The following UNC79 variants were observed in gnomAD, a reference collection of about 807,000 sequenced individuals.
UNC79 encodes protein unc-79 homolog.
UNC79 carries 37 observed loss-of-function variants against 283.1 expected under a neutral mutation model. That is an observed-to-expected ratio of 0.13 (90% CI 0.10 to 0.17). The LOEUF (loss-of-function observed/expected upper bound fraction) is 0.17. Ranked by LOEUF, UNC79 falls within the 10% of genes least tolerant of loss-of-function variation. UNC79 has a pLI of 1.00. For missense variants in UNC79, 2,272 were observed against 3,211.1 expected (o/e 0.71, Z 7.07); for synonymous variants, 1,107 against 1,200.2 (o/e 0.92, Z 1.61).
At chr14:93,347,292 T>C in intron 1 of UNC79, 1 of 1,605,292 alleles carries the variant, frequency 6.2e-7, no homozygotes, top group Non-Finnish European at 8.5e-7. Context: ...GTGGGCGCTG[T>C]CCTGCCCGCC....
At chr14:93,632,881 C>T (rs893248664) in intron 31 of UNC79, among the ~76,000 whole-genome samples, 7 of 151,860 alleles carry the variant, frequency 4.6e-5, no homozygotes, top group African/African-American at 1.7e-4. Flanking sequence ...TAGATTTCCA[C>T]CTTTCTCCTC....
intron 1 of UNC79, among the ~76,000 whole-genome samples, chr14:93,365,214 T>C (rs992453130): frequency 2.0e-5 from 3 of 151,964 alleles, no homozygotes; most frequent in African/African-American, 4.8e-5. Context: ...GGTGAAACCC[T>C]GTCTATACTA....
chr14:93,692,768 G>A (rs541311007), intron 46 of UNC79, among the ~76,000 whole-genome samples: 5 of 152,358 alleles, frequency 3.3e-5, no homozygotes, highest in African/African-American at 1.2e-4. Flanking sequence ...CATTGAACCA[G>A]TGTGGAGTAT....
At chr14:93,605,084 C>G in intron 26 of UNC79, 123 bp downstream of exon 27, 1 of 980,314 alleles carries the variant, frequency 1.0e-6, no homozygotes, top group Non-Finnish European at 1.4e-6. Flanking sequence ...TCAGAAGGGT[C>G]TTACCCCAGA....
chr14:93,442,445 T>C (rs551567095), intron 1 of UNC79, among the ~76,000 whole-genome samples: 36 of 152,328 alleles, frequency 2.4e-4, no homozygotes, highest in South Asian at 1.7e-3. Context: ...TTTATTAGTC[T>C]ACATGTGAAC....
intron 1 of UNC79, among the ~76,000 whole-genome samples, chr14:93,373,918 T>A (rs1217966512): frequency 1.3e-5 from 2 of 152,180 alleles, no homozygotes; most frequent in Non-Finnish European, 2.9e-5. Context: ...TATGACTAAG[T>A]GGGATTTATC....
intron 7 of UNC79, among the ~76,000 whole-genome samples, chr14:93,518,502 C>G (rs1238836520): frequency 1.2e-4 from 18 of 151,300 alleles, no homozygotes; most frequent in Non-Finnish European, 2.5e-4. Flanking sequence ...TTCAAAGAAC[C>G]AGTTTTTGAT....
chr14:93,645,019 C>T (rs554238765), intron 34 of UNC79, among the ~76,000 whole-genome samples: 1 of 152,270 alleles, frequency 6.6e-6, no homozygotes, highest in South Asian at 2.1e-4. Context: ...ATAGTAATTG[C>T]AGAATAAATG....
At chr14:93,665,593 G>A (rs1178114924) in intron 40 of UNC79, among the ~76,000 whole-genome samples, 1 of 151,830 alleles carries the variant, frequency 6.6e-6, no homozygotes, top group African/African-American at 2.4e-5. Context: ...ATGTACATGA[G>A]TAGGTATAAC....
At chr14:93,431,736 C>T (rs1444966662) in intron 1 of UNC79, among the ~76,000 whole-genome samples, 2 of 152,174 alleles carry the variant, frequency 1.3e-5, no homozygotes, top group African/African-American at 4.8e-5. Context: ...CCCATAGCAC[C>T]GGAGGATTTT....
chr14:93,445,271 T>C (rs1481302975), intron 1 of UNC79, among the ~76,000 whole-genome samples: 1 of 152,234 alleles, frequency 6.6e-6, no homozygotes, highest in Non-Finnish European at 1.5e-5. Context: ...ATTTTACATC[T>C]GCCTTTCCAA....
At chr14:93,624,858 A>G (rs2067432262) in intron 30 of UNC79, among the ~76,000 whole-genome samples, 1 of 151,888 alleles carries the variant, frequency 6.6e-6, no homozygotes, top group Non-Finnish European at 1.5e-5. Context: ...AGGCCCATAC[A>G]CTTGCCCCTC....
intron 26 of UNC79, among the ~76,000 whole-genome samples, chr14:93,604,132 A>C (rs2065715088): frequency 6.6e-6 from 1 of 152,220 alleles, no homozygotes; most frequent in Admixed American, 6.5e-5. Context: ...ATAATTAAAA[A>C]TTCATTACTA....
intron 48 of UNC79, among the ~76,000 whole-genome samples, chr14:93,705,957 C>T (rs1004064320): frequency 6.6e-6 from 1 of 152,106 alleles, no homozygotes; most frequent in Non-Finnish European, 1.5e-5. Context: ...CTATTTGTGG[C>T]GGCCGTCGGG....
intron 27 of UNC79, among the ~76,000 whole-genome samples, chr14:93,615,345 T>G (rs1596081398): frequency 6.6e-6 from 1 of 152,186 alleles, no homozygotes; most frequent in Admixed American, 6.5e-5. Flanking sequence ...TTTTCTCAGC[T>G]GTCACTGTTT....
chr14:93,406,509 GC>G (rs1183771041), intron 1 of UNC79, among the ~76,000 whole-genome samples: 7 of 152,110 alleles, frequency 4.6e-5, no homozygotes, highest in Non-Finnish European at 7.4e-5. Flanking sequence ...GATCACTTGA[GC>G]CCAGAAGCTT....
chr14:93,539,502 CAG>C (rs1351025575), intron 12 of UNC79, among the ~76,000 whole-genome samples: 12 of 151,640 alleles, frequency 7.9e-5, no homozygotes, highest in Admixed American at 5.2e-4. Context: ...GCCTGGGAGA[CAG>C]AGCAAGACTC....
At chr14:93,389,984 G>C (rs2054852976) in intron 1 of UNC79, among the ~76,000 whole-genome samples, 1 of 152,134 alleles carries the variant, frequency 6.6e-6, no homozygotes, top group African/African-American at 2.4e-5. Context: ...GAATTCTCTT[G>C]AAACCAAAAC....
intron 44 of UNC79, chr14:93,689,190 G>T: frequency 4.2e-6 from 1 of 240,864 alleles, no homozygotes; most frequent in Non-Finnish European, 7.9e-6. Flanking sequence ...TTAGATTGTA[G>T]CTGGAACAAA....
Sources: gnomAD v4.1 joint callset for allele counts (sites outside exome capture counted in the v4.1 genomes callset) on GRCh38, gnomAD v4.1.1 for gene constraint, MANE v1.5 for transcripts, NCBI Gene and HGNC (gene_info 2026-07-23, HGNC 2026-07-21) for gene names.